The following TMEM132C variants were observed in gnomAD, a reference collection of about 807,000 sequenced individuals.
The protein encoded by TMEM132C is protein phosphatase 1, regulatory subunit 152.
TMEM132C carries 29 observed loss-of-function variants against 61.4 expected under a neutral mutation model. The observed-to-expected ratio is 0.47, with a 90% CI of 0.35 to 0.64. TMEM132C has a LOEUF of 0.64. TMEM132C is among the 30% of genes least tolerant of loss of function. The pLI is 0.00. For missense variants in TMEM132C, 1,408 were observed against 1,476.9 expected (o/e 0.95, Z 0.76); for synonymous variants, 656 against 633.1 (o/e 1.04, Z -0.54).
rs116162937 is a variant in TMEM132C, at chr12:128,617,937, A to C, written c.1305+1602A>C. Among the ~76,000 whole-genome samples the C allele has an allele frequency of 5.3e-3, 807 of 152,338 alleles. 10 individuals carry two copies. Among genetic ancestry groups the C allele is most frequent in the African/African-American group, 0.019 (786 of 41,578 alleles). ...GTCAACAAACAACAAGCCATGGGCC[A>C]CATCCAATCTGCTGCCCGGTTTTGT... On this transcript the variant is annotated intron_variant, in intron 4 of 8. Coordinates refer to ENST00000435159, the MANE Select transcript of TMEM132C (RefSeq NM_001136103.3).
rs190176721 is a variant in TMEM132C at position 128,614,572 on chromosome 12, G to T, written c.1122-1580G>T. Among the ~76,000 whole-genome samples, 53 of 152,326 alleles carry T rather than the reference G, an allele frequency of 3.5e-4. No homozygotes were observed. In the East Asian group the frequency reaches 7.7e-3, roughly 22 times the overall value. On this transcript the variant is annotated intron_variant, in intron 3 of 8. Transcript: ENST00000435159. ...GGAAACAGGAGATGCTACATTTTAT[G>T]TTAACTCTGCCCTAGCCAGATATGT...
At chr12:128,653,897 C>T (rs867811141) in intron 4 of TMEM132C, among the ~76,000 whole-genome samples, 18 of 152,234 alleles carry the variant, frequency 1.2e-4, no homozygotes, top group African/African-American at 3.9e-4. Flanking sequence ...CTTGGCTGTC[C>T]GGAGGCCAGA....
At chr12:128,330,408 G>A (rs1244256850) in intron 1 of TMEM132C, among the ~76,000 whole-genome samples, 1 of 152,028 alleles carries the variant, frequency 6.6e-6, no homozygotes, top group Non-Finnish European at 1.5e-5. Flanking sequence ...TATTTCTAGG[G>A]CCGGCATAGT....
intron 2 of TMEM132C, among the ~76,000 whole-genome samples, chr12:128,459,191 C>G (rs1870445689): frequency 6.6e-6 from 1 of 152,174 alleles, no homozygotes; most frequent in South Asian, 2.1e-4. Context: ...CTCTGCATAC[C>G]TCTAATTTCC....
At chr12:128,550,501 C>T (rs1468555151) in intron 3 of TMEM132C, among the ~76,000 whole-genome samples, 2 of 152,110 alleles carry the variant, frequency 1.3e-5, no homozygotes, top group African/African-American at 4.8e-5. Flanking sequence ...GATAGGGTTT[C>T]ATCATGTTGC....
At chr12:128,465,156 C>T (rs1390136339) in intron 2 of TMEM132C, among the ~76,000 whole-genome samples, 1 of 151,886 alleles carries the variant, frequency 6.6e-6, no homozygotes, top group Non-Finnish European at 1.5e-5. Flanking sequence ...GGTGAGGAGA[C>T]ACCCACATAG....
chr12:128,496,023 G>A (rs1349266556), intron 2 of TMEM132C, among the ~76,000 whole-genome samples: 1 of 151,982 alleles, frequency 6.6e-6, no homozygotes, highest in Non-Finnish European at 1.5e-5. Context: ...TTTAGGACAG[G>A]CCTGGTGGTG....
chr12:128,383,647 C>G (rs1874488087), intron 1 of TMEM132C, among the ~76,000 whole-genome samples: 1 of 152,188 alleles, frequency 6.6e-6, no homozygotes, highest in African/African-American at 2.4e-5. Flanking sequence ...TTCCCCTTCC[C>G]CAGTCCTTGT....
chr12:128,616,525 G>A (rs1344889623), intron 4 of TMEM132C, among the ~76,000 whole-genome samples, 190 bp downstream of exon 4: 1 of 152,202 alleles, frequency 6.6e-6, no homozygotes, highest in African/African-American at 2.4e-5. Flanking sequence ...TAGTCATGAA[G>A]TTTAGTCCAG....
Position 128,498,511 on chromosome 12 carries a change from A to G in TMEM132C, c.975-45446A>G, listed in dbSNP as rs149080356. On this transcript the variant is annotated intron_variant, in intron 2 of 8. Transcript: ENST00000435159. ...GCTAACATGGTGAAACCCTATCTCT[A>G]TTAAAAATACAAAATTAGCTGGGTT... Among the ~76,000 whole-genome samples the G allele has an allele frequency of 2.8e-4, 42 of 152,242 alleles. No homozygotes were observed. The East Asian group carries it at 7.3e-3, about 27-fold the overall frequency.
At chr12:128,556,600 C>T (rs77180480) in intron 3 of TMEM132C, among the ~76,000 whole-genome samples, 246 of 152,290 alleles carry the variant, frequency 1.6e-3, no homozygotes, top group Non-Finnish European at 3.0e-3. Flanking sequence ...TTGTCTTCTC[C>T]CCTTGAAACT....
At chr12:128,273,251 A>C (rs995061350) in intron 1 of TMEM132C, among the ~76,000 whole-genome samples, 2 of 152,138 alleles carry the variant, frequency 1.3e-5, no homozygotes, top group Non-Finnish European at 1.5e-5. Context: ...GTACATACTT[A>C]GGATTTTTTT....
intron 5 of TMEM132C, among the ~76,000 whole-genome samples, chr12:128,679,656 A>G (rs1023626678): frequency 1.3e-5 from 2 of 152,234 alleles, no homozygotes; most frequent in African/African-American, 2.4e-5. Flanking sequence ...CATCAAAGCT[A>G]TGATTTCCTC....
At chr12:128,685,254 C>T (rs532460967) in intron 5 of TMEM132C, among the ~76,000 whole-genome samples, 64 of 152,374 alleles carry the variant, frequency 4.2e-4, no homozygotes, top group African/African-American at 1.5e-3. Context: ...TAGTCAGGAT[C>T]ATCCACATCC....
chr12:128,369,386 T>A (rs2135979976), intron 1 of TMEM132C, among the ~76,000 whole-genome samples: 1 of 152,342 alleles, frequency 6.6e-6, no homozygotes, highest in East Asian at 1.9e-4. Context: ...AAAACATCGA[T>A]ACAATGTTTA....
intron 2 of TMEM132C, among the ~76,000 whole-genome samples, chr12:128,505,097 C>T (rs1198385074): frequency 6.7e-6 from 1 of 149,370 alleles, no homozygotes; most frequent in African/African-American, 2.4e-5. Context: ...CAATTAGAGT[C>T]CTTTGGTTGC....
intron 3 of TMEM132C, among the ~76,000 whole-genome samples, chr12:128,549,764 T>G (rs1025560609): frequency 6.6e-6 from 1 of 152,106 alleles, no homozygotes; most frequent in African/African-American, 2.4e-5. Context: ...TGCCTCGCGC[T>G]CTCCAAATGC....
At chr12:128,290,869 A>G (rs1004629305) in intron 1 of TMEM132C, among the ~76,000 whole-genome samples, 3 of 152,008 alleles carry the variant, frequency 2.0e-5, no homozygotes, top group African/African-American at 7.3e-5. Flanking sequence ...AAAAGAAATA[A>G]GTGATTTCCC....
At chr12:128,660,437 T>C (rs1329014006) in intron 4 of TMEM132C, among the ~76,000 whole-genome samples, 1 of 152,224 alleles carries the variant, frequency 6.6e-6, no homozygotes, top group Non-Finnish European at 1.5e-5. Flanking sequence ...GGGTCTCCTT[T>C]GAGATGTGCG....
Sources: gnomAD v4.1 joint callset for allele counts (sites outside exome capture counted in the v4.1 genomes callset) on GRCh38, gnomAD v4.1.1 for gene constraint, MANE v1.5 for transcripts, NCBI Gene and HGNC (gene_info 2026-07-23, HGNC 2026-07-21) for gene names.